Variants in KLHL25 observed in about 807,000 individuals in gnomAD.
KLHL25 encodes the protein kelch-like protein 25.
Under a neutral mutation model 30.0 loss-of-function variants are expected in KLHL25, and 41 were observed. The ratio of observed to expected loss-of-function variants is 1.37; its 90% confidence interval spans 1.07 to 1.78. KLHL25 has a LOEUF of 1.78. Among genes scored for constraint, KLHL25 ranks in the 40% most tolerant of loss-of-function variants. KLHL25 has a pLI of 0.00. For synonymous variants in KLHL25, 399 were observed against 355.3 expected (o/e 1.12, Z -1.38); for missense variants, 971 against 824.5 (o/e 1.18, Z -2.18).
At chr15:85,790,724 C>T (rs1173289765) in intron 1 of KLHL25, among the ~76,000 whole-genome samples, 3 of 152,036 alleles carry the variant, frequency 2.0e-5, no homozygotes, top group Non-Finnish European at 2.9e-5. Context: ...GGCCTCGGGC[C>T]TTGGTCACGC....
At chr15:85,772,549 G>A (rs1298506952) in intron 1 of KLHL25, among the ~76,000 whole-genome samples, 2 of 152,202 alleles carry the variant, frequency 1.3e-5, no homozygotes, top group African/African-American at 4.8e-5. Context: ...AGTAACTACG[G>A]CCCTGGAACC....
chr15:85,775,954 A>G (rs1448497276), intron 1 of KLHL25, among the ~76,000 whole-genome samples: 1 of 151,512 alleles, frequency 6.6e-6, no homozygotes, highest in Non-Finnish European at 1.5e-5. Context: ...TGGGCAGATC[A>G]CAAGGTGTGG....
chr15:85,769,430 C>A lies in KLHL25; in HGVS notation c.381G>T (p.Leu127=). The A allele has an allele frequency of 6.2e-7, 1 of 1,614,156 alleles. No homozygotes were observed. The highest frequency in any genetic ancestry group is 8.5e-7 in the Non-Finnish European group (1 of 1,180,036). Residue 127 remains leucine, a synonymous_variant, in exon 2 of 3, where the codon CTG becomes CTT. Coordinates refer to ENST00000337975, the MANE Select transcript of KLHL25 (RefSeq NM_022480.4). ...AESLLEAGDM[L]QFHDVRDAAA... ...CAGCATCCCGCACATCGTGGAACTG[C>A]AGCATGTCGCCTGCCTCCAGCAGTG...
intron 1 of KLHL25, among the ~76,000 whole-genome samples, chr15:85,784,354 C>A (rs2089765205): frequency 1.3e-5 from 2 of 151,964 alleles, no homozygotes; most frequent in Non-Finnish European, 1.5e-5. Flanking sequence ...CATGATGAAA[C>A]CCCGGTATCT....
intron 1 of KLHL25, among the ~76,000 whole-genome samples, chr15:85,770,749 A>G (rs1252141797): frequency 2.6e-5 from 4 of 152,174 alleles, no homozygotes; most frequent in Non-Finnish European, 5.9e-5. Flanking sequence ...TGACGCCAGG[A>G]TCCTGGGCCA....
intron 1 of KLHL25, among the ~76,000 whole-genome samples, chr15:85,785,700 A>G (rs2089776584): frequency 6.6e-6 from 1 of 152,070 alleles, no homozygotes; most frequent in South Asian, 2.1e-4. Flanking sequence ...GACCATGTGC[A>G]GTGGCCCCTG....
At chr15:85,773,219 G>GATCCC (rs2089688618) in intron 1 of KLHL25, among the ~76,000 whole-genome samples, 3 of 152,106 alleles carry the variant, frequency 2.0e-5, no homozygotes, top group Non-Finnish European at 4.4e-5. Context: ...CCGGCACAGA[G>GATCCC]GTCACTTGAC....
chr15:85,770,920 C>T (rs1026477075), intron 1 of KLHL25: 10 of 284,214 alleles, frequency 3.5e-5, no homozygotes, highest in African/African-American at 1.1e-4. Flanking sequence ...TGGCATGACC[C>T]GAGGCCCCAG....
chr15:85,785,971 C>T (rs931902419), intron 1 of KLHL25, among the ~76,000 whole-genome samples: 2 of 144,718 alleles, frequency 1.4e-5, no homozygotes, highest in Admixed American at 6.8e-5. Context: ...CCCACCCCCC[C>T]GCCCCAGGAG....
chr15:85,762,504 T>C, intron 2 of KLHL25: 1 of 152,426 alleles, frequency 6.6e-6, no homozygotes, highest in Non-Finnish European at 1.5e-5. Flanking sequence ...AGGTGCTCCC[T>C]GGGGCCTGGC....
intron 1 of KLHL25, among the ~76,000 whole-genome samples, chr15:85,788,508 A>G (rs1397825456): frequency 6.6e-6 from 1 of 152,192 alleles, no homozygotes; most frequent in Non-Finnish European, 1.5e-5. Context: ...AGCCCGGCAG[A>G]GAACAGATGG....
rs963500522 is a variant in KLHL25, at chr15:85,776,504, C to CA, written c.-10-6685dup. Among the ~76,000 whole-genome samples, 9 of 151,430 alleles carry CA rather than the reference C, an allele frequency of 5.9e-5. No homozygotes were observed. In the South Asian group the frequency reaches 1.3e-3, roughly 21 times the overall value. On this transcript the variant is annotated intron_variant, in intron 1 of 2. Coordinates refer to ENST00000337975, the MANE Select transcript of KLHL25 (RefSeq NM_022480.4). ...TCCGTCTCAATCAATCAATCAATAG[C>CA]AAAAAAAACCTTTATGCATATTTAT...
At chr15:85,765,298 G>A (rs1293176461) in intron 2 of KLHL25, among the ~76,000 whole-genome samples, 3 of 151,198 alleles carry the variant, frequency 2.0e-5, no homozygotes, top group African/African-American at 4.9e-5. Flanking sequence ...CAAGAAATTT[G>A]GCAGGTCTGA....
intron 2 of KLHL25, among the ~76,000 whole-genome samples, chr15:85,765,677 A>G (rs2089617812): frequency 6.7e-6 from 1 of 150,300 alleles, no homozygotes; most frequent in African/African-American, 2.4e-5. Flanking sequence ...CTGTAAAAGA[A>G]AAAAGCAAGC....
intron 2 of KLHL25, chr15:85,762,502 C>T: frequency 6.6e-6 from 1 of 152,090 alleles, no homozygotes; most frequent in Non-Finnish European, 1.5e-5. Context: ...GCAGGTGCTC[C>T]CTGGGGCCTG....
chr15:85,785,685 C>A (rs528402482), intron 1 of KLHL25, among the ~76,000 whole-genome samples: 1 of 152,170 alleles, frequency 6.6e-6, no homozygotes, highest in South Asian at 2.1e-4. Flanking sequence ...TACAACACAG[C>A]AAAGGACCAT....
Position 85,768,075 on chromosome 15 carries a change from G to C in KLHL25, c.1736C>G (p.Ala579Gly). ...CAGGTGCTTCCAGGTGCTGACAAAG[G>C]CCGTGGGGATAAGTGAGTAGGGCAC... The part of the protein sequence containing the change: ...TTVPYSLIPT[A>G]FVSTWKHLPA Residue 579 changes from alanine to glycine, a missense_variant, in exon 2 of 3, where the codon GCC becomes GGC. Physicochemically the swap from Ala to Gly is moderately conservative, Grantham distance 60. Coordinates refer to ENST00000337975, the MANE Select transcript of KLHL25 (RefSeq NM_022480.4). The C allele has an allele frequency of 6.2e-7, 1 of 1,613,718 alleles. No homozygotes were observed. Among genetic ancestry groups the C allele is most frequent in the Non-Finnish European group, 8.5e-7 (1 of 1,179,678 alleles).
intron 1 of KLHL25, among the ~76,000 whole-genome samples, chr15:85,771,645 C>T (rs561885124): frequency 6.6e-6 from 1 of 152,352 alleles, no homozygotes; most frequent in Admixed American, 6.5e-5. Flanking sequence ...AGACTGTACA[C>T]CGAGGACCTG....
chr15:85,781,191 C>G (rs1399510185), intron 1 of KLHL25, among the ~76,000 whole-genome samples: 1 of 152,130 alleles, frequency 6.6e-6, no homozygotes, highest in Non-Finnish European at 1.5e-5. Flanking sequence ...TACTCAGGAG[C>G]CCGTATCCCA....
Sources: allele counts gnomAD v4.1 joint callset (sites outside exome capture counted in the v4.1 genomes callset), GRCh38; gene constraint gnomAD v4.1.1; transcripts MANE v1.5; gene names NCBI Gene and HGNC (gene_info 2026-07-23, HGNC 2026-07-21).